ADI1: variants seen among roughly 807,000 people sequenced by gnomAD.
ADI1 encodes acireductone dioxygenase.
Under a neutral mutation model 18.7 loss-of-function variants are expected in ADI1, and 21 were observed. That is an observed-to-expected ratio of 1.13 (90% confidence interval 0.80 to 1.62). ADI1 has a LOEUF of 1.62. Among genes scored for constraint, ADI1 ranks in the 40% most tolerant of loss-of-function variants. ADI1 has a pLI of 0.00. For missense variants in ADI1, 245 were observed against 254.9 expected (o/e 0.96, Z 0.26); for synonymous variants, 90 against 100.1 (o/e 0.90, Z 0.60).
At chr2:3,516,925 G>T in intron 1 of ADI1, 3 of 985,008 alleles carry the variant, frequency 3.0e-6, no homozygotes, top group Non-Finnish European at 2.4e-6. Flanking sequence ...TGTTTTTTGG[G>T]TTTTTTTAGA....
At chr2:3,516,843 T>C in intron 1 of ADI1, 1 of 985,412 alleles carries the variant, frequency 1.0e-6, no homozygotes, top group South Asian at 4.7e-5. Flanking sequence ...TCCACATGTG[T>C]TACCTCTGTT....
intron 2 of ADI1, among the ~76,000 whole-genome samples, chr2:3,510,150 A>T (rs1283543309): frequency 6.6e-6 from 1 of 151,576 alleles, no homozygotes. Context: ...TCTCAAAAAA[A>T]AAAAAAAAAA....
intron 1 of ADI1, chr2:3,516,580 G>A (rs1667415082): frequency 3.0e-6 from 1 of 337,016 alleles, no homozygotes. Context: ...ATGAGGACAG[G>A]ATCCTCATCA....
chr2:3,506,756 C>A (rs1667184676), intron 2 of ADI1, among the ~76,000 whole-genome samples: 4 of 152,248 alleles, frequency 2.6e-5, no homozygotes, highest in Admixed American at 6.5e-5. Context: ...TGAAGAAGAA[C>A]AAAGTTGAAG....
rs1234131447 is a variant in ADI1, at chr2:3,513,894, G to A, written c.203C>T (p.Thr68Ile). 6.2e-7 allele frequency: 1 copy of A among 1,610,296 alleles called. No homozygotes were observed. The highest frequency in any genetic ancestry group is 8.5e-7 in the Non-Finnish European group (1 of 1,179,134). Reference protein sequence around the residue: ...ERNYSWMDIITICKDKLPNYE... With the variant: ...ERNYSWMDIIIICKDKLPNYE... ...ATTTGGTAGTTTATCTTTGCATATGGTTATGATGTCCATCCAGGAGTAGTT... is the reference window on the plus strand; with the variant it reads ...ATTTGGTAGTTTATCTTTGCATATGATTATGATGTCCATCCAGGAGTAGTT... Residue 68 changes from threonine to isoleucine, a missense_variant, in exon 2 of 4, where the codon ACC becomes ATC. Thr to Ile is a moderately conservative substitution (Grantham distance 89, BLOSUM62 -1). Coordinates refer to ENST00000327435, the MANE Select transcript of ADI1 (RefSeq NM_018269.4).
chr2:3,513,887 G>T lies in ADI1; in HGVS notation c.210C>A (p.Cys70Ter). The change falls in exon 2 of 4, where the codon TGC (cysteine) becomes TGA (stop). Residue 70 changes from cysteine (C) to a stop codon, truncating the protein, a stop_gained. Coordinates refer to ENST00000327435, the MANE Select transcript of ADI1 (RefSeq NM_018269.4). LOFTEE classifies it high-confidence loss of function. Reference protein sequence around the residue: ...NYSWMDIITICKDKLPNYEEK... With the variant: ...NYSWMDIITI Reference sequence around the variant, plus strand: ...CTTCATAATTTGGTAGTTTATCTTTGCATATGGTTATGATGTCCATCCAGG... The same window carrying T: ...CTTCATAATTTGGTAGTTTATCTTTTCATATGGTTATGATGTCCATCCAGG... The T allele has an allele frequency of 6.2e-7, 1 of 1,607,558 alleles. No individual in the cohort carries two copies. The highest frequency in any genetic ancestry group is 8.5e-7 in the Non-Finnish European group (1 of 1,178,628).
intron 1 of ADI1, among the ~76,000 whole-genome samples, chr2:3,518,333 C>A (rs936810717): frequency 3.9e-5 from 6 of 152,210 alleles, no homozygotes; most frequent in African/African-American, 1.4e-4. Context: ...GTCCAGGTAA[C>A]CCTGTGTATT....
chr2:3,505,126 C>T (rs373947505), intron 2 of ADI1, among the ~76,000 whole-genome samples: 5 of 152,306 alleles, frequency 3.3e-5, no homozygotes, highest in African/African-American at 7.2e-5. Flanking sequence ...AGTTTACCTG[C>T]GTATGTTTAT....
intron 1 of ADI1, among the ~76,000 whole-genome samples, chr2:3,518,918 CCT>C (rs1197360452): frequency 6.6e-6 from 1 of 152,348 alleles, no homozygotes; most frequent in African/African-American, 2.4e-5. Context: ...CTGCGAGGCC[CCT>C]GACTCGCCAA....
intron 1 of ADI1, 97 bp downstream of exon 1, chr2:3,519,271 C>G (rs1446260141): frequency 5.4e-6 from 7 of 1,307,140 alleles, no homozygotes; most frequent in Non-Finnish European, 1.9e-6. Flanking sequence ...TGCCGCGGCT[C>G]CCAGGCCGCT....
Position 3,500,929 on chromosome 2 carries a change from C to T in ADI1, c.305G>A (p.Ser102Asn), listed in dbSNP as rs1666991142. The T allele has an allele frequency of 4.3e-6, 7 of 1,614,146 alleles. No individual in the cohort carries two copies. The highest frequency in any genetic ancestry group is 5.1e-6 in the Non-Finnish European group (6 of 1,179,976). Residue 102 changes from serine (S) to asparagine (N), a missense_variant, in exon 3 of 4, where the codon AGT (serine) becomes AAT (asparagine). Coordinates refer to ENST00000327435, the MANE Select transcript of ADI1 (RefSeq NM_018269.4). The part of the protein sequence containing the change: ...DDEIRYILDG[S>N]GYFDVRDKED... ...CTTGTCCCTCACATCGAAGTACCCA[C>T]TGCCATCCAGGATGTAGCGGATCTC...
chr2:3,512,478 T>A (rs905037165), intron 2 of ADI1, among the ~76,000 whole-genome samples: 1 of 152,188 alleles, frequency 6.6e-6, no homozygotes, highest in African/African-American at 2.4e-5. Context: ...GCATCCCAGC[T>A]GCTCGGGTTC....
At chr2:3,518,293 A>G (rs1176465881) in intron 1 of ADI1, among the ~76,000 whole-genome samples, 1 of 152,234 alleles carries the variant, frequency 6.6e-6, no homozygotes, top group Non-Finnish European at 1.5e-5. Flanking sequence ...GGAATATTCT[A>G]TAATCCTTTC....
intron 2 of ADI1, among the ~76,000 whole-genome samples, chr2:3,511,361 A>T (rs1459389489): frequency 1.3e-5 from 2 of 151,466 alleles, no homozygotes; most frequent in African/African-American, 4.9e-5. Context: ...TCTAAATTAC[A>T]CAGTAACTTC....
intron 2 of ADI1, among the ~76,000 whole-genome samples, chr2:3,511,526 A>G (rs761383688): frequency 2.6e-5 from 4 of 152,212 alleles, no homozygotes; most frequent in Non-Finnish European, 4.4e-5. Context: ...CAGGAAGCAC[A>G]TGCTTCCTGT....
rs765629078 is a variant in ADI1, at chr2:3,500,963, A to C, written c.271T>G (p.Leu91Val). ...AGGATGTAGCGGATCTCATCGTCCAAGTGCAAATGCTCCTCGTAGAACATC... is the reference window on the plus strand; with the variant it reads ...AGGATGTAGCGGATCTCATCGTCCACGTGCAAATGCTCCTCGTAGAACATC... The part of the protein sequence containing the change: ...IKMFYEEHLH[L>V]DDEIRYILDG... Residue 91 changes from leucine (L) to valine (V), a missense_variant, in exon 3 of 4, where the codon TTG becomes GTG. Physicochemically the swap from Leu to Val is conservative, Grantham distance 32. Transcript: ENST00000327435. 40 of 1,612,806 alleles carry C rather than the reference A, an allele frequency of 2.5e-5. No homozygotes were observed. The highest frequency in any genetic ancestry group is 3.3e-5 in the Non-Finnish European group (39 of 1,179,324).
intron 1 of ADI1, chr2:3,516,735 A>G: frequency 1.0e-6 from 1 of 985,152 alleles, no homozygotes; most frequent in Non-Finnish European, 1.2e-6. Context: ...GTTTATTCCA[A>G]GCTAAAATAA....
At chr2:3,509,935 G>A (rs1667260557) in intron 2 of ADI1, among the ~76,000 whole-genome samples, 2 of 152,072 alleles carry the variant, frequency 1.3e-5, no homozygotes, top group Admixed American at 6.5e-5. Context: ...CCTGAGATCA[G>A]GAGTTTGAGA....
At chr2:3,507,006 A>G (rs1005130058) in intron 2 of ADI1, among the ~76,000 whole-genome samples, 1 of 152,130 alleles carries the variant, frequency 6.6e-6, no homozygotes, top group Non-Finnish European at 1.5e-5. Context: ...CATGTTGTCT[A>G]CTTTTTCCAT....
Sources: gnomAD v4.1 joint callset for allele counts (sites outside exome capture counted in the v4.1 genomes callset) on GRCh38, gnomAD v4.1.1 for gene constraint, MANE v1.5 for transcripts, NCBI Gene and HGNC (gene_info 2026-07-23, HGNC 2026-07-21) for gene names.